Variants in OSBPL6 observed in about 807,000 individuals in gnomAD.
OSBPL6 encodes oxysterol binding protein like 6.
OSBPL6 carries 49 observed loss-of-function variants against 125.8 expected under a neutral mutation model. That is an observed-to-expected ratio of 0.39 (90% CI 0.31 to 0.49). The LOEUF (loss-of-function observed/expected upper bound fraction) is 0.49, where lower values mean the gene tolerates loss of function less well. OSBPL6 is among the 20% of genes least tolerant of loss of function. The probability of loss-of-function intolerance (pLI) is 0.88; values close to 1 mark genes in which losing one functional copy is unlikely to be tolerated. For synonymous variants in OSBPL6, 394 were observed against 391.8 expected (o/e 1.01, Z -0.07); for missense variants, 986 against 1,135.4 (o/e 0.87, Z 1.89).
intron 1 of OSBPL6, among the ~76,000 whole-genome samples, chr2:178,215,441 G>A (rs1197305307): frequency 6.6e-6 from 1 of 152,210 alleles, no homozygotes; most frequent in South Asian, 2.1e-4. Flanking sequence ...GGGCAGGGCA[G>A]TGGAGATGAG....
At chr2:178,292,208 G>T (rs16866220) in intron 2 of OSBPL6, among the ~76,000 whole-genome samples, 2,723 of 151,938 alleles carry the variant, frequency 0.018, 78 homozygotes, top group African/African-American at 0.063. Context: ...GTTCCCAAAT[G>T]ACCATAAAAT....
chr2:178,200,247 C>CTTTTTTTT lies in OSBPL6; in HGVS notation c.-351+5588_-351+5595dup, dbSNP rs767677596. Among the ~76,000 whole-genome samples the CTTTTTTTT allele has an allele frequency of 1.5e-4, 17 of 109,732 alleles. 1 individual carries two copies. In the East Asian group the frequency reaches 2.6e-3, roughly 17 times the overall value. The allele number at this position is 109,732 out of a possible 152,430, so 72.0% of individuals were successfully genotyped here. A position where few individuals can be genotyped will look rare whatever the true frequency, so the allele number is the denominator to read the frequency against. On this transcript the variant is annotated intron_variant, in intron 1 of 24. Coordinates refer to ENST00000190611, the MANE Select transcript of OSBPL6 (RefSeq NM_032523.4). ...CAAGCAAGGTTCTGTTTCTTCAGAC[C>CTTTTTTTT]TTTTTTTTTTTTTTTTTTTTTTGAG...
chr2:178,387,167 C>G, intron 20 of OSBPL6, 28 bp downstream of exon 20: 1 of 1,517,442 alleles, frequency 6.6e-7, no homozygotes, highest in Non-Finnish European at 9.1e-7. Context: ...CCCTTTTGGC[C>G]TCTTGTCTGC....
intron 21 of OSBPL6, among the ~76,000 whole-genome samples, chr2:178,389,439 T>TC: frequency 6.6e-6 from 1 of 152,362 alleles, no homozygotes; most frequent in African/African-American, 2.4e-5. Flanking sequence ...TAAGTAAAAT[T>TC]CCAGAAAACA....
intron 1 of OSBPL6, among the ~76,000 whole-genome samples, chr2:178,228,523 A>G (rs2090674803): frequency 6.6e-6 from 1 of 152,244 alleles, no homozygotes; most frequent in Non-Finnish European, 1.5e-5. Context: ...TGACAGAGCG[A>G]GACTCCATCT....
intron 1 of OSBPL6, among the ~76,000 whole-genome samples, chr2:178,225,248 A>C (rs1333594891): frequency 6.7e-6 from 1 of 148,890 alleles, no homozygotes; most frequent in African/African-American, 2.5e-5. Flanking sequence ...CTTTAAAAAA[A>C]AAAAAAGGAA....
chr2:178,338,497 T>C (rs1013011011), intron 9 of OSBPL6, among the ~76,000 whole-genome samples: 1 of 152,188 alleles, frequency 6.6e-6, no homozygotes, highest in Admixed American at 6.5e-5. Flanking sequence ...AATTTTAAAG[T>C]CATTCATTTC....
intron 9 of OSBPL6, among the ~76,000 whole-genome samples, 193 bp from the exon 10 acceptor site, chr2:178,338,798 C>G (rs1689934641): frequency 6.6e-6 from 1 of 152,146 alleles, no homozygotes; most frequent in East Asian, 1.9e-4. Context: ...TAAGAGTGAG[C>G]TTTGAAATAT....
intron 1 of OSBPL6, among the ~76,000 whole-genome samples, chr2:178,258,544 C>T (rs1301475775): frequency 6.6e-6 from 1 of 152,220 alleles, no homozygotes; most frequent in African/African-American, 2.4e-5. Context: ...CATCCACCAA[C>T]TCTCAGCCCC....
chr2:178,392,312 A>G (rs375088881), intron 22 of OSBPL6, 100 bp from the exon 23 acceptor site: 12 of 1,334,938 alleles, frequency 9.0e-6, no homozygotes, highest in South Asian at 4.4e-5. Context: ...TATGACTACA[A>G]ATTTGGTGTT....
chr2:178,384,149 C>G lies in OSBPL6; in HGVS notation c.1986C>G (p.Asp662Glu), dbSNP rs1245784538. The part of the protein sequence containing the change: ...LGETYECIRE[D>E]KGFRFFSEQV... ...AGACTTATGAATGCATTAGAGAAGA[C>G]AAGGGATTCCGCTTTTTCTCAGAAC... The change falls in exon 18 of 25, where the codon GAC becomes GAG. Residue 662 changes from aspartate (D) to glutamate (E), a missense_variant. By Grantham distance (45) the Asp-to-Glu change is conservative. Around this residue, in one of 3 missense-constraint regions of OSBPL6, gnomAD observed 843 missense variants for 997.3 expected, o/e 0.85. Transcript: ENST00000190611. 7 of 1,613,878 alleles carry G rather than the reference C, an allele frequency of 4.3e-6. No individual in the cohort carries two copies. Among genetic ancestry groups the G allele is most frequent in the Non-Finnish European group, 4.2e-6 (5 of 1,179,924 alleles).
intron 11 of OSBPL6, among the ~76,000 whole-genome samples, chr2:178,341,610 G>A (rs1690205842): frequency 6.6e-6 from 1 of 152,050 alleles, no homozygotes; most frequent in Non-Finnish European, 1.5e-5. Flanking sequence ...AGTTACTTTT[G>A]AGGGAAATTG....
intron 15 of OSBPL6, among the ~76,000 whole-genome samples, chr2:178,377,513 T>C (rs1402179207): frequency 1.3e-5 from 2 of 152,146 alleles, no homozygotes; most frequent in Non-Finnish European, 2.9e-5. Flanking sequence ...TGGTGAGGTC[T>C]CCCCAGAAGG....
At chr2:178,273,917 T>C (rs1366242095) in intron 1 of OSBPL6, among the ~76,000 whole-genome samples, 1 of 152,180 alleles carries the variant, frequency 6.6e-6, no homozygotes, top group Non-Finnish European at 1.5e-5. Context: ...TAATGCCTAA[T>C]AGCCCATATC....
chr2:178,213,162 A>ACC (rs2089942372), intron 1 of OSBPL6, among the ~76,000 whole-genome samples: 1 of 151,948 alleles, frequency 6.6e-6, no homozygotes, highest in African/African-American at 2.4e-5. Context: ...CTCTTCTTCC[A>ACC]CCCACCTAAA....
rs2154121299 is a variant in OSBPL6, at chr2:178,395,367, C to T, written c.2697-84C>T. On this transcript the variant is annotated intron_variant, in intron 24 of 24. Coordinates refer to ENST00000190611, the MANE Select transcript of OSBPL6 (RefSeq NM_032523.4). The stretch of plus-strand genomic sequence containing the variant: ...TGGCTTACAAACACTGCTTATATGT[C>T]CATGTCTAATCTATAGGAGAGGGTC... 5 of 896,402 alleles carry T rather than the reference C, an allele frequency of 5.6e-6. No individual in the cohort carries two copies. In the East Asian group the frequency reaches 1.2e-4, roughly 22 times the overall value. The allele number at this position is 896,402 out of a possible 1,614,324, so 55.5% of individuals were successfully genotyped here. A position where few individuals can be genotyped will look rare whatever the true frequency, so the allele number is the denominator to read the frequency against.
At chr2:178,367,766 T>C (rs1004904960) in intron 13 of OSBPL6, among the ~76,000 whole-genome samples, 1 of 152,230 alleles carries the variant, frequency 6.6e-6, no homozygotes, top group African/African-American at 2.4e-5. Context: ...GCATGCATTG[T>C]AGTTTTTAGT....
In OSBPL6 at chr2:178,397,034, TAA is replaced by T. The variant is rs1466270818; in HGVS notation, c.*1476_*1477del. The T allele has an allele frequency of 6.6e-6, 1 of 152,254 alleles. No homozygotes were observed. Among genetic ancestry groups the T allele is most frequent in the African/African-American group, 2.4e-5 (1 of 41,472 alleles). The allele number at this position is 152,254 out of a possible 1,614,324, so 9.4% of individuals were successfully genotyped here. ...TTCTTGGATTCTTACCATTAGAATT[TAA>T]GTGTTATTTAAAACTCTGATACAGT... On this transcript the variant is annotated 3_prime_UTR_variant, in exon 25 of 25. Transcript: ENST00000190611.
chr2:178,334,452 T>A (rs1331966161), intron 8 of OSBPL6, among the ~76,000 whole-genome samples: 1 of 152,260 alleles, frequency 6.6e-6, no homozygotes, highest in Non-Finnish European at 1.5e-5. Flanking sequence ...GTTATTTTAA[T>A]GGCAGTTTTT....
Sources: gnomAD v4.1 joint callset for allele counts (sites outside exome capture counted in the v4.1 genomes callset) on GRCh38, gnomAD v4.1.1 for gene constraint, gnomAD v4.1.1 regional missense constraint, MANE v1.5 for transcripts, NCBI Gene and HGNC (gene_info 2026-07-23, HGNC 2026-07-21) for gene names.